The following POLR3G variants were observed in gnomAD, a reference collection of about 807,000 sequenced individuals.
The protein encoded by POLR3G is RNA polymerase III subunit G.
A neutral mutation model predicts 30.1 loss-of-function variants in POLR3G; 28 were observed. That is an observed-to-expected ratio of 0.93 (90% confidence interval 0.69 to 1.27). The LOEUF (loss-of-function observed/expected upper bound fraction) is 1.27, where lower values mean the gene tolerates loss of function less well. POLR3G is among the 50% of genes most tolerant of loss of function. The pLI is 0.00. For missense variants in POLR3G, 254 were observed against 264.6 expected (o/e 0.96, Z 0.28); for synonymous variants, 79 against 82.5 (o/e 0.96, Z 0.23).
chr5:90,501,769 A>G, intron 5 of POLR3G, 137 bp from the exon 6 acceptor site: 4 of 933,746 alleles, frequency 4.3e-6, no homozygotes, highest in Non-Finnish European at 6.2e-6. Context: ...ATTCTTTGAG[A>G]AAATTAATTT....
chr5:90,501,615 T>C (rs1279210892), intron 5 of POLR3G, among the ~76,000 whole-genome samples: 1 of 152,178 alleles, frequency 6.6e-6, no homozygotes, highest in Non-Finnish European at 1.5e-5. Flanking sequence ...TTTAGCAGTT[T>C]TGGCCCTAAT....
At position 90,486,172 on chromosome 5, in the gene POLR3G, TTAATTTCCA is replaced by T. The variant is rs1347850799; in HGVS notation, c.117+493_117+501del. ...AAAATTTAGTGAGTATGCTGCAAGC[TTAATTTCCA>T]TAATATATAATGTTTTCGCTTTATG... is the stretch of plus-strand genomic sequence containing the variant. On this transcript the variant is annotated intron_variant, in intron 2 of 7. Transcript: ENST00000651687. Among the ~76,000 whole-genome samples the T allele has an allele frequency of 2.0e-5, 3 of 152,332 alleles. No homozygotes were observed. In the East Asian group the frequency reaches 5.8e-4, roughly 29 times the overall value.
rs749052426 is a variant in POLR3G, at chr5:90,488,114, C to G, written c.232C>G (p.Pro78Ala). ...AAGAATGCCTTATTTTATTGAAACA[C>G]CTGAAGAAAGACAAGGTACTGTATT... is the stretch of plus-strand genomic sequence containing the variant. ...MKRMPYFIETPEERQDIERYS... is the reference protein window; with the variant it reads ...MKRMPYFIETAEERQDIERYS... Residue 78 changes from proline (P) to alanine (A), a missense_variant, in exon 3 of 8, where the codon CCT (proline) becomes GCT (alanine). Coordinates refer to ENST00000651687, the MANE Select transcript of POLR3G (RefSeq NM_006467.3). 1 of 1,609,292 alleles carries G rather than the reference C, an allele frequency of 6.2e-7. No homozygotes were observed. Among genetic ancestry groups the G allele is most frequent in the South Asian group, 1.1e-5 (1 of 90,086 alleles).
intron 2 of POLR3G, among the ~76,000 whole-genome samples, chr5:90,486,030 C>T (rs1006553871): frequency 1.3e-5 from 2 of 152,132 alleles, no homozygotes; most frequent in Non-Finnish European, 2.9e-5. Context: ...CGCACCCTAT[C>T]ACACCTTCAC....
chr5:90,488,180 A>G (rs1479455486), intron 3 of POLR3G, 51 bp downstream of exon 3: 2 of 1,413,618 alleles, frequency 1.4e-6, no homozygotes, highest in Non-Finnish European at 1.9e-6. Context: ...CAGATGAAAC[A>G]GTGTTTAAGC....
chr5:90,478,691 G>A (rs1273944134), intron 1 of POLR3G, among the ~76,000 whole-genome samples: 2 of 149,278 alleles, frequency 1.3e-5, no homozygotes, highest in African/African-American at 4.9e-5. Context: ...CGAGTAGCTG[G>A]GACTACAGGC....
chr5:90,483,925 A>G (rs979325880), intron 1 of POLR3G, among the ~76,000 whole-genome samples: 1 of 152,178 alleles, frequency 6.6e-6, no homozygotes, highest in Non-Finnish European at 1.5e-5. Flanking sequence ...TGCTAAGGCT[A>G]ATTTTATAAT....
chr5:90,508,404 A>G (rs1358752323), intron 7 of POLR3G, among the ~76,000 whole-genome samples: 11 of 151,128 alleles, frequency 7.3e-5, no homozygotes, highest in Admixed American at 7.3e-4. Context: ...TTTTGGAACC[A>G]TAGTCCTCCA....
chr5:90,508,835 G>A (rs999388757), intron 7 of POLR3G, among the ~76,000 whole-genome samples: 17 of 152,202 alleles, frequency 1.1e-4, no homozygotes, highest in Non-Finnish European at 1.5e-4. Context: ...AGGCCAAGGC[G>A]GGTGGATCAC....
chr5:90,495,616 G>T lies in POLR3G; in HGVS notation c.248-61G>T, dbSNP rs934168617. 8 of 1,568,030 alleles carry T rather than the reference G, an allele frequency of 5.1e-6. No individual in the cohort carries two copies. In the Admixed American group the frequency reaches 7.7e-5, roughly 15 times the overall value. ...TTGTTTTCAATAATCTTAAAGGAAT[G>T]GCTTAAGTTCAGGGTTACTGTTGAT... On this transcript the variant is annotated intron_variant, in intron 3 of 7. Transcript: ENST00000651687.
chr5:90,482,727 C>T (rs553108958), intron 1 of POLR3G, among the ~76,000 whole-genome samples: 1 of 152,120 alleles, frequency 6.6e-6, no homozygotes, highest in Non-Finnish European at 1.5e-5. Context: ...TCTTGTGGCC[C>T]CCACCCAGGA....
chr5:90,512,461 TCTTG>T lies in POLR3G; in HGVS notation c.*326_*329del, dbSNP rs1000947824. On this transcript the variant is annotated 3_prime_UTR_variant, in exon 8 of 8. Coordinates refer to ENST00000651687, the MANE Select transcript of POLR3G (RefSeq NM_006467.3). The stretch of plus-strand genomic sequence containing the variant: ...ATGTATACATACTTGAACAAATCAT[TCTTG>T]CTTAACTGCTGATCTTTTGTAAAAC... 11 of 189,724 alleles carry T rather than the reference TCTTG, an allele frequency of 5.8e-5. No homozygotes were observed. Among genetic ancestry groups the T allele is most frequent in the Admixed American group, 2.9e-4 (5 of 17,334 alleles). The allele number at this position is 189,724 out of a possible 1,614,324, so 11.8% of individuals were successfully genotyped here.
intron 2 of POLR3G, among the ~76,000 whole-genome samples, chr5:90,487,540 C>A (rs1287913707): frequency 6.6e-6 from 1 of 151,452 alleles, no homozygotes; most frequent in African/African-American, 2.4e-5. Context: ...TACAGGTGCC[C>A]GCCACCATGC....
At chr5:90,478,569 C>CTTTTTTTTTTTTTTTTTTTTTTTTTTT (rs773881344) in intron 1 of POLR3G, among the ~76,000 whole-genome samples, 1 of 79,332 alleles carries the variant, frequency 1.3e-5, no homozygotes. Context: ...CTGCGTGGTT[C>CTTTTTTTTTTTTTTTTTTTTTTTTTTT]TTTTTTTTTT....
chr5:90,478,610 C>T (rs1036555657), intron 1 of POLR3G, among the ~76,000 whole-genome samples: 2 of 129,304 alleles, frequency 1.5e-5, no homozygotes, highest in African/African-American at 6.3e-5. Context: ...ACTCTGTCGC[C>T]TAGGCTGGAG....
chr5:90,504,404 C>CA (rs1202153637), intron 6 of POLR3G, among the ~76,000 whole-genome samples: 2 of 151,028 alleles, frequency 1.3e-5, no homozygotes, highest in Non-Finnish European at 1.5e-5. Flanking sequence ...ACTAAAAATT[C>CA]AAAAAAAATT....
intron 1 of POLR3G, among the ~76,000 whole-genome samples, chr5:90,478,629 C>T (rs776988323): frequency 1.1e-4 from 14 of 127,448 alleles, no homozygotes; most frequent in Non-Finnish European, 1.9e-4. Flanking sequence ...AGTGCAGCGG[C>T]GCAAGCAACC....
Position 90,495,725 on chromosome 5 carries a change from GGATA to G in POLR3G, c.297_300del (p.Trp99CysfsTer11), listed in dbSNP as rs1751951327. On this transcript the variant is annotated frameshift_variant, in exon 4 of 8. Coordinates refer to ENST00000651687, the MANE Select transcript of POLR3G (RefSeq NM_006467.3). LOFTEE classifies it high-confidence loss of function. ...TACATGAAGGTATACAAGGAAGAAT[GGATA>G]CCAGGTAACTACAAAACACACAATA... The G allele has an allele frequency of 1.9e-6, 3 of 1,596,188 alleles. No homozygotes were observed. The highest frequency in any genetic ancestry group is 2.6e-6 in the Non-Finnish European group (3 of 1,172,272).
At chr5:90,495,754 A>G in intron 4 of POLR3G, 21 bp downstream of exon 4, 1 of 1,570,006 alleles carries the variant, frequency 6.4e-7, no homozygotes, top group African/African-American at 1.4e-5. Context: ...AACACACAAT[A>G]TGAAAACAGT....
Sources: gnomAD v4.1 joint callset for allele counts (sites outside exome capture counted in the v4.1 genomes callset) on GRCh38, gnomAD v4.1.1 for gene constraint, MANE v1.5 for transcripts, NCBI Gene and HGNC (gene_info 2026-07-23, HGNC 2026-07-21) for gene names.